Variants in SLC6A8 observed in about 807,000 individuals in gnomAD.
The protein encoded by SLC6A8 is solute carrier family 6 member 8, also known as sodium- and chloride-dependent creatine transporter 1.
Under a neutral mutation model 48.3 loss-of-function variants are expected in SLC6A8, and 6 were observed. The ratio of observed to expected loss-of-function variants is 0.12; its 90% CI spans 0.07 to 0.25. The LOEUF (loss-of-function observed/expected upper bound fraction) is 0.25. SLC6A8 is among the 10% of genes least tolerant of loss of function. The probability of loss-of-function intolerance (pLI) is 1.00; values close to 1 mark genes in which losing one functional copy is unlikely to be tolerated. For missense variants in SLC6A8, 260 were observed against 551.5 expected, an observed-to-expected ratio of 0.47 and a Z score of 5.29; for synonymous variants, 245 against 244.0, an observed-to-expected ratio of 1.00 and a Z score of -0.04.
chrX:153,688,872 G>C (rs1373648241), intron 1 of SLC6A8, 36 bp downstream of exon 1: 2 of 946,180 alleles, frequency 2.1e-6, no homozygotes, highest in African/African-American at 4.2e-5. Flanking sequence ...TCCTCCCCCA[G>C]CAGGCCGCCG....
chrX:153,694,240 T>G lies in SLC6A8; in HGVS notation c.1365T>G (p.Phe455Leu). 8.3e-7 allele frequency: 1 copy of G among 1,211,371 alleles called. No individual in the cohort carries two copies. The change falls in exon 9 of 13, where the codon TTT (phenylalanine) becomes TTG (leucine). Residue 455 changes from phenylalanine (F) to leucine (L), a missense_variant. Transcript: ENST00000253122. ...ISVALCCALC[F>L]VIDLSMVTDG... Reference sequence around the variant, plus strand: ...TGGCCCTCTGTTGTGCCCTCTGCTTTGTCATCGATCTCTCCATGGTGACTG... The same window carrying G: ...TGGCCCTCTGTTGTGCCCTCTGCTTGGTCATCGATCTCTCCATGGTGACTG...
In SLC6A8 at chrX:153,692,361, C is replaced by T. The variant is rs1557044657; in HGVS notation, c.777+254C>T. 1.8e-5 allele frequency: 8 copies of T among 441,396 alleles called. No individual in the cohort carries two copies. In the South Asian group the frequency reaches 2.0e-4, roughly 11 times the overall value. 36.4% of individuals were successfully genotyped at this position (441,396 alleles called of 1,213,427 possible). ...CCCCCACTGGTGCCCTCCTGCCAGT[C>T]TCTGACTCTTGTGACAGTCTGGTGG... is the stretch of plus-strand genomic sequence containing the variant. On this transcript the variant is annotated intron_variant, in intron 4 of 12. Coordinates refer to ENST00000253122, the MANE Select transcript of SLC6A8 (RefSeq NM_005629.4).
chrX:153,692,257 C>G (rs1557044620), intron 4 of SLC6A8, 150 bp downstream of exon 4: 1 of 611,534 alleles, frequency 1.6e-6, no homozygotes. Context: ...GCTCCCCACC[C>G]TGCAAATCCA....
At chrX:153,692,946 G>C (rs1229403829) in intron 4 of SLC6A8, 95 bp from the exon 5 acceptor site, 4 of 1,078,515 alleles carry the variant, frequency 3.7e-6, no homozygotes, top group Non-Finnish European at 5.1e-6. Flanking sequence ...GGGGACCTCT[G>C]AACATACCTG....
rs143916832 is a variant in SLC6A8, at chrX:153,694,445, C to T, written c.1494C>T (p.Tyr498=). ...FWECVVVAWV[Y]GADRFMDDIA... ...AGTGCGTGGTGGTGGCCTGGGTGTA[C>T]GGTAGGTCATGGCTGAGGGCTGGGC... The change falls in exon 10 of 13, where the codon TAC becomes TAT. Residue 498 remains tyrosine, a splice_region_variant and synonymous_variant. Coordinates refer to ENST00000253122, the MANE Select transcript of SLC6A8 (RefSeq NM_005629.4). 4,324 of 1,202,327 alleles carry T rather than the reference C, an allele frequency of 3.6e-3. 7 individuals are homozygous for T. Among genetic ancestry groups the T allele is most frequent in the Non-Finnish European group, 4.4e-3 (3,886 of 888,333 alleles).
intron 4 of SLC6A8, chrX:153,692,835 CGAG>C (rs1242078609): frequency 7.8e-6 from 4 of 514,171 alleles, no homozygotes; most frequent in Admixed American, 5.4e-5. Context: ...TGCAGACAAA[CGAG>C]GCGCCCAGGG....
rs782695399 is a variant in SLC6A8, at chrX:153,688,844, C to T, written c.262+8C>T. On this transcript the variant is annotated splice_region_variant and intron_variant, in intron 1 of 12. Transcript: ENST00000253122. ...GCTACAAGAACGGCGGAGGTGAGTT[C>T]CCCCGCCCGCCGCGGCCTCCTCCCC... is the stretch of plus-strand genomic sequence containing the variant. 8 of 1,076,707 alleles carry T rather than the reference C, an allele frequency of 7.4e-6. No individual in the cohort carries two copies. The highest frequency in any genetic ancestry group is 2.0e-5 in the African/African-American group (1 of 51,015). The allele number at this position is 1,076,707 out of a possible 1,213,427, so 88.7% of individuals were successfully genotyped here. A position where few individuals can be genotyped will look rare whatever the true frequency, so the allele number is the denominator to read the frequency against.
In SLC6A8 at chrX:153,693,993, G is replaced by A. The variant is rs1295612892; in HGVS notation, c.1230G>A (p.Leu410=). 2.5e-6 allele frequency: 3 copies of A among 1,179,771 alleles called. No individual in the cohort carries two copies. Among genetic ancestry groups the A allele is most frequent in the Non-Finnish European group, 3.4e-6 (3 of 878,945 alleles). The change falls in exon 8 of 13, where the codon CTG becomes CTA. Residue 410 remains leucine (L), a synonymous_variant. Transcript: ENST00000253122. ...GGGCTGCCCTGTTCTTCTTCATGCT[G>A]TTGCTGCTTGGTCTCGACAGCCAGG... The part of the protein sequence containing the change: ...PLWAALFFFM[L]LLLGLDSQFV...
At chrX:153,690,685 G>A (rs1183199598) in intron 2 of SLC6A8, 179 bp downstream of exon 2, 3 of 518,542 alleles carry the variant, frequency 5.8e-6, no homozygotes, top group Non-Finnish European at 9.6e-6. Flanking sequence ...GCGGGGACTA[G>A]AGGGGGCATA....
rs1376506723 is a variant in SLC6A8 at position 153,696,244 on chromosome X, C to G, written c.*1030C>G. ...TGCCACAAGTCTGTGGGGCAAGAGG[C>G]TGCAATATTCCGTCCTGGGTGTCTG... On this transcript the variant is annotated 3_prime_UTR_variant, in exon 13 of 13. Transcript: ENST00000253122. 1 of 282,834 alleles carries G rather than the reference C, an allele frequency of 3.5e-6. No homozygotes were observed. Among genetic ancestry groups the G allele is most frequent in the Non-Finnish European group, 6.9e-6 (1 of 144,488 alleles). 23.3% of individuals were successfully genotyped at this position (282,834 alleles called of 1,213,427 possible). A position where few individuals can be genotyped will look rare whatever the true frequency, so the allele number is the denominator to read the frequency against.
At position 153,694,329 on chromosome X, in the gene SLC6A8, G is replaced by A. The variant is rs1557045454; in HGVS notation, c.1393-15G>A. ...GGCCGTCTGCCATCCTCCCTGACTG[G>A]GCTCTGTCCCCCAGGGCGGGATGTA... On this transcript the variant is annotated splice_polypyrimidine_tract_variant and intron_variant, in intron 9 of 12. Transcript: ENST00000253122. The A allele has an allele frequency of 8.3e-7, 1 of 1,209,815 alleles. No homozygotes were observed. The highest frequency in any genetic ancestry group is 1.7e-5 in the African/African-American group (1 of 57,724).
In SLC6A8 at chrX:153,695,742, G is replaced by C. The variant is rs1382037207; in HGVS notation, c.*528G>C. The C allele has an allele frequency of 6.8e-6, 1 of 146,838 alleles. No individual in the cohort carries two copies. The highest frequency in any genetic ancestry group is 3.1e-5 in the African/African-American group (1 of 31,958). 12.1% of individuals were successfully genotyped at this position (146,838 alleles called of 1,213,427 possible). A position where few individuals can be genotyped will look rare whatever the true frequency, so the allele number is the denominator to read the frequency against. On this transcript the variant is annotated 3_prime_UTR_variant, in exon 13 of 13. Coordinates refer to ENST00000253122, the MANE Select transcript of SLC6A8 (RefSeq NM_005629.4). ...TCCCCATCCCTGTTATAGAAGCTTA[G>C]AGAGCCAGCCAGCAATGGAACCTTC...
At position 153,695,626 on chromosome X, in the gene SLC6A8, G is replaced by C; in HGVS notation, c.*412G>C. 1 of 198,282 alleles carries C rather than the reference G, an allele frequency of 5.0e-6. No individual in the cohort carries two copies. The allele number at this position is 198,282 out of a possible 1,213,427, so 16.3% of individuals were successfully genotyped here. On this transcript the variant is annotated 3_prime_UTR_variant, in exon 13 of 13. Transcript: ENST00000253122. ...TTGGGAAATGTGAGGAAGGGAAGGAGGGAGAGACGGGAGGGAGGAGAGAGA... is the reference window on the plus strand; with the variant it reads ...TTGGGAAATGTGAGGAAGGGAAGGACGGAGAGACGGGAGGGAGGAGAGAGA...
At chrX:153,692,625 T>G (rs1307309488) in intron 4 of SLC6A8, 5 of 340,168 alleles carry the variant, frequency 1.5e-5, no homozygotes, top group Non-Finnish European at 2.8e-5. Context: ...AGTTCCACTC[T>G]CCACCTGCTC....
intron 3 of SLC6A8, 88 bp downstream of exon 3, chrX:153,691,641 C>T: frequency 9.1e-7 from 1 of 1,100,925 alleles, no homozygotes; most frequent in Non-Finnish European, 1.3e-6. Context: ...CCTGAGGGGG[C>T]ACCAGGGTGT....
chrX:153,691,093 A>AG, intron 2 of SLC6A8: 1 of 443,967 alleles, frequency 2.3e-6, no homozygotes, highest in East Asian at 4.0e-5. Flanking sequence ...CCTTGGGTCT[A>AG]GGGGGCGGCT....
rs1173673436 is a variant in SLC6A8 at position 153,690,676 on chromosome X, C to T, written c.394+170C>T. On this transcript the variant is annotated intron_variant, in intron 2 of 12. Transcript: ENST00000253122. ...AGGCCGCACAGCGAACTTGGGGAAG[C>T]GGGGACTAGAGGGGGCATAGGCAGC... The T allele has an allele frequency of 3.3e-5, 18 of 551,751 alleles. No homozygotes were observed. In the South Asian group the frequency reaches 3.4e-4, roughly 10 times the overall value. 45.5% of individuals were successfully genotyped at this position (551,751 alleles called of 1,213,427 possible).
Position 153,688,639 on chromosome X carries a change from T to C in SLC6A8, c.65T>C (p.Leu22Pro). 1.9e-6 allele frequency: 2 copies of C among 1,077,653 alleles called. No individual in the cohort carries two copies. Among genetic ancestry groups the C allele is most frequent in the Admixed American group, 3.3e-5 (1 of 30,245 alleles). The allele number at this position is 1,077,653 out of a possible 1,213,427, so 88.8% of individuals were successfully genotyped here. A position where few individuals can be genotyped will look rare whatever the true frequency, so the allele number is the denominator to read the frequency against. Residue 22 changes from leucine to proline, a missense_variant, in exon 1 of 13, where the codon CTC becomes CCC. By Grantham distance (98) the Leu-to-Pro change is moderately conservative. Around this residue, in one of 7 missense-constraint regions of SLC6A8, gnomAD observed 50 missense variants for 55.1 expected, o/e 0.91. Transcript: ENST00000253122. ...TCCGGCGACGAGAAGAAGGGCCCCC[T>C]CATCGCGCCCGGGCCCGACGGGGCC... is the stretch of plus-strand genomic sequence containing the variant. ...SVSGDEKKGP[L>P]IAPGPDGAPA...
chrX:153,692,773 C>T, intron 4 of SLC6A8: 1 of 456,291 alleles, frequency 2.2e-6, no homozygotes, highest in Non-Finnish European at 4.0e-6. Flanking sequence ...CCTCCTGTCC[C>T]CACTGAGGAG....
Sources: allele counts gnomAD v4.1 joint callset, GRCh38; gene constraint gnomAD v4.1.1; regional missense constraint gnomAD v4.1.1; transcripts MANE v1.5; gene names NCBI Gene and HGNC (gene_info 2026-07-23, HGNC 2026-07-21).